The following SGK3 variants were observed in gnomAD, a reference collection of about 807,000 sequenced individuals.
SGK3 encodes the protein serum/glucocorticoid regulated kinase family member 3.
In SGK3, 47 loss-of-function variants were observed where a neutral mutation model predicts 68.5. The observed-to-expected ratio is 0.69, with a 90% CI of 0.54 to 0.87. The LOEUF is 0.87. Among genes scored for constraint, SGK3 ranks in the 40% least tolerant of loss-of-function variants. The pLI is 0.00. For synonymous variants in SGK3, 181 were observed against 189.1 expected (o/e 0.96, Z 0.35); for missense variants, 479 against 575.5 (o/e 0.83, Z 1.72).
chr8:66,777,323 T>C (rs60741740), intron 1 of SGK3, among the ~76,000 whole-genome samples: 18,904 of 152,218 alleles, frequency 0.12, 2,172 homozygotes, highest in African/African-American at 0.3. Flanking sequence ...GTGGGTAAAG[T>C]TGTTTGCCAG....
chr8:66,791,388 A>G (rs1807447273), intron 1 of SGK3, among the ~76,000 whole-genome samples: 1 of 151,998 alleles, frequency 6.6e-6, no homozygotes, highest in African/African-American at 2.4e-5. Context: ...GCAGATGGAG[A>G]CTGTCAAGTG....
intron 1 of SGK3, among the ~76,000 whole-genome samples, chr8:66,755,980 C>A (rs966436218): frequency 7.9e-5 from 12 of 152,098 alleles, no homozygotes; most frequent in African/African-American, 2.9e-4. Flanking sequence ...CCCTCAAATT[C>A]ATATGTTGAT....
At chr8:66,743,675 C>T (rs1339821200) in intron 1 of SGK3, among the ~76,000 whole-genome samples, 5 of 152,266 alleles carry the variant, frequency 3.3e-5, no homozygotes, top group Non-Finnish European at 7.3e-5. Flanking sequence ...GCAAGTGCCA[C>T]CATGCCCAGC....
At chr8:66,723,359 G>A (rs1005170902) in intron 1 of SGK3, among the ~76,000 whole-genome samples, 4 of 150,998 alleles carry the variant, frequency 2.6e-5, no homozygotes, top group Admixed American at 2.0e-4. Flanking sequence ...CAGGAGAATC[G>A]CTTGAACCCG....
intron 3 of SGK3, among the ~76,000 whole-genome samples, chr8:66,803,227 T>C: frequency 6.6e-6 from 1 of 152,234 alleles, no homozygotes. Flanking sequence ...TCAGTCTGCA[T>C]TTTACTGACA....
chr8:66,798,127 G>T (rs2130589985), intron 2 of SGK3, among the ~76,000 whole-genome samples: 1 of 151,868 alleles, frequency 6.6e-6, no homozygotes, highest in East Asian at 1.9e-4. Flanking sequence ...TCTTACTTCA[G>T]CCTCCTGAGT....
chr8:66,804,813 G>A (rs971049082), intron 4 of SGK3, among the ~76,000 whole-genome samples: 1 of 152,206 alleles, frequency 6.6e-6, no homozygotes, highest in African/African-American at 2.4e-5. Flanking sequence ...AATGGGCTGG[G>A]CACAGTGGCT....
chr8:66,722,849 G>A (rs113471095), intron 1 of SGK3, among the ~76,000 whole-genome samples: 1 of 151,742 alleles, frequency 6.6e-6, no homozygotes, highest in Non-Finnish European at 1.5e-5. Flanking sequence ...GGGACATCAC[G>A]TGGCGAAAAC....
chr8:66,838,383 A>T (rs1809628916), intron 10 of SGK3, among the ~76,000 whole-genome samples: 1 of 152,172 alleles, frequency 6.6e-6, no homozygotes, highest in South Asian at 2.1e-4. Context: ...TTATTTATAA[A>T]TAAGAAAATT....
intron 3 of SGK3, among the ~76,000 whole-genome samples, chr8:66,802,994 T>G (rs758164042): frequency 3.9e-5 from 6 of 152,184 alleles, no homozygotes; most frequent in Non-Finnish European, 7.4e-5. Flanking sequence ...AAGATAAAGA[T>G]TCTTAAAAAC....
intron 1 of SGK3, among the ~76,000 whole-genome samples, chr8:66,771,295 G>A (rs796781085): frequency 2.7e-4 from 41 of 152,294 alleles, no homozygotes; most frequent in African/African-American, 8.9e-4. Context: ...AAGGTTTGCC[G>A]TGACTAGTGA....
chr8:66,859,661 A>G lies in SGK3; in HGVS notation c.*80A>G. ...ACTTCTATTTGTGTGAATATATTCA[A>G]ATATGTATAACTAGTGCCTCATTTT... On this transcript the variant is annotated 3_prime_UTR_variant, in exon 17 of 17. Coordinates refer to ENST00000521198, the MANE Select transcript of SGK3 (RefSeq NM_001033578.3). The G allele has an allele frequency of 1.4e-6, 2 of 1,414,394 alleles. No individual in the cohort carries two copies. The highest frequency in any genetic ancestry group is 9.4e-7 in the Non-Finnish European group (1 of 1,063,560). The allele number at this position is 1,414,394 out of a possible 1,614,324, so 87.6% of individuals were successfully genotyped here. A position where few individuals can be genotyped will look rare whatever the true frequency, so the allele number is the denominator to read the frequency against.
intron 16 of SGK3, among the ~76,000 whole-genome samples, chr8:66,857,098 A>G (rs1810543017): frequency 6.6e-6 from 1 of 152,200 alleles, no homozygotes; most frequent in African/African-American, 2.4e-5. Flanking sequence ...GTCTCAAAAA[A>G]AAAGGACAGC....
intron 1 of SGK3, among the ~76,000 whole-genome samples, chr8:66,747,653 G>A (rs920212149): frequency 1.3e-5 from 2 of 152,038 alleles, no homozygotes; most frequent in African/African-American, 4.8e-5. Flanking sequence ...GACCTCCTGG[G>A]CTCAAGTGAT....
At chr8:66,768,560 CTATTTATT>C (rs905864095) in intron 1 of SGK3, among the ~76,000 whole-genome samples, 2 of 151,554 alleles carry the variant, frequency 1.3e-5, no homozygotes, top group African/African-American at 2.4e-5. Flanking sequence ...ACTTCTTGTA[CTATTTATT>C]TATTTATTTA....
At chr8:66,722,414 C>G (rs376480356) in intron 1 of SGK3, among the ~76,000 whole-genome samples, 1 of 152,214 alleles carries the variant, frequency 6.6e-6, no homozygotes, top group East Asian at 1.9e-4. Flanking sequence ...TCCCAGGTAG[C>G]TGGGACTACA....
At chr8:66,803,220 G>T (rs1027721946) in intron 3 of SGK3, among the ~76,000 whole-genome samples, 8 of 152,096 alleles carry the variant, frequency 5.3e-5, no homozygotes, top group Admixed American at 5.2e-4. Context: ...GTATTTTTCA[G>T]TCTGCATTTT....
chr8:66,806,340 T>C (rs1016575707), intron 4 of SGK3, among the ~76,000 whole-genome samples: 2 of 152,230 alleles, frequency 1.3e-5, no homozygotes, highest in African/African-American at 4.8e-5. Context: ...TAAGGTATTA[T>C]TTTATTACTT....
chr8:66,738,274 C>A (rs950180502), intron 1 of SGK3, among the ~76,000 whole-genome samples: 23 of 152,256 alleles, frequency 1.5e-4, no homozygotes, highest in African/African-American at 5.5e-4. Context: ...TATTTTGAAA[C>A]CCTCATGATG....
Sources: allele counts gnomAD v4.1 joint callset (sites outside exome capture counted in the v4.1 genomes callset), GRCh38; gene constraint gnomAD v4.1.1; transcripts MANE v1.5; gene names NCBI Gene and HGNC (gene_info 2026-07-23, HGNC 2026-07-21).